DPP10: variants seen among roughly 807,000 people sequenced by gnomAD.
DPP10 encodes dipeptidyl peptidase like 10.
DPP10 carries 33 observed loss-of-function variants against 120.9 expected under a neutral mutation model. The ratio of observed to expected loss-of-function variants is 0.27; its 90% CI spans 0.21 to 0.37. The LOEUF (loss-of-function observed/expected upper bound fraction) is 0.37. Ranked by LOEUF, DPP10 falls within the 10% of genes least tolerant of loss-of-function variation. DPP10 has a pLI of 1.00. For missense variants in DPP10, 816 were observed against 942.8 expected (o/e 0.87, Z 1.76); for synonymous variants, 337 against 326.1 (o/e 1.03, Z -0.36).
chr2:115,822,808 T>C (rs1300818914), intron 21 of DPP10, among the ~76,000 whole-genome samples: 2 of 151,972 alleles, frequency 1.3e-5, no homozygotes, highest in Non-Finnish European at 2.9e-5. Flanking sequence ...TTTAACATGG[T>C]TATTTTATAA....
chr2:115,379,288 T>C (rs1369938263), intron 3 of DPP10, among the ~76,000 whole-genome samples: 2 of 152,202 alleles, frequency 1.3e-5, no homozygotes, highest in Non-Finnish European at 2.9e-5. Context: ...TGGGAGAGTG[T>C]ATGTGTCGAG....
chr2:114,788,439 C>CTTTTTTTTT (rs1682953846), intron 1 of DPP10, among the ~76,000 whole-genome samples: 1 of 149,246 alleles, frequency 6.7e-6, no homozygotes, highest in Non-Finnish European at 1.5e-5. Flanking sequence ...TTCCTTGAGA[C>CTTTTTTTTT]GGAGTCTCAC....
intron 2 of DPP10, among the ~76,000 whole-genome samples, chr2:115,335,107 A>G (rs1038015798): frequency 2.0e-5 from 3 of 152,062 alleles, no homozygotes; most frequent in Admixed American, 1.3e-4. Flanking sequence ...GCAGGAGGCA[A>G]AAAGAAACCT....
intron 1 of DPP10, among the ~76,000 whole-genome samples, chr2:114,936,465 A>G (rs1051568713): frequency 6.6e-6 from 1 of 151,898 alleles, no homozygotes; most frequent in Non-Finnish European, 1.5e-5. Context: ...ATACATAAAC[A>G]TATATATTTT....
chr2:115,273,856 G>A (rs1202749233), intron 1 of DPP10, among the ~76,000 whole-genome samples: 1 of 152,164 alleles, frequency 6.6e-6, no homozygotes, highest in East Asian at 1.9e-4. Context: ...ACTGTTTTGG[G>A]TAGAACGCTA....
At chr2:115,585,368 A>G (rs2082224968) in intron 5 of DPP10, among the ~76,000 whole-genome samples, 1 of 152,204 alleles carries the variant, frequency 6.6e-6, no homozygotes, top group African/African-American at 2.4e-5. Flanking sequence ...AATAGAATAA[A>G]ACCCATGCAG....
At chr2:115,466,556 C>G (rs925427011) in intron 3 of DPP10, among the ~76,000 whole-genome samples, 1 of 151,942 alleles carries the variant, frequency 6.6e-6, no homozygotes, top group Non-Finnish European at 1.5e-5. Context: ...AAATTTAGTC[C>G]ACATATAATG....
intron 9 of DPP10, among the ~76,000 whole-genome samples, chr2:115,742,494 A>T (rs183798592): frequency 6.8e-4 from 103 of 152,296 alleles, no homozygotes; most frequent in African/African-American, 2.1e-3. Flanking sequence ...CTAATAGGCA[A>T]AGCCAAAAGA....
At chr2:114,765,911 C>T (rs1274070442) in intron 1 of DPP10, among the ~76,000 whole-genome samples, 1 of 152,034 alleles carries the variant, frequency 6.6e-6, no homozygotes, top group African/African-American at 2.4e-5. Context: ...TGGAGGAAAT[C>T]TTATTCTTTT....
chr2:115,358,019 C>T (rs2064518871), intron 3 of DPP10, among the ~76,000 whole-genome samples: 1 of 152,058 alleles, frequency 6.6e-6, no homozygotes, highest in Non-Finnish European at 1.5e-5. Flanking sequence ...TCTCCTAGCC[C>T]TCTGTGCCTG....
At chr2:115,316,578 A>G (rs568537878) in intron 2 of DPP10, among the ~76,000 whole-genome samples, 1 of 152,216 alleles carries the variant, frequency 6.6e-6, no homozygotes, top group African/African-American at 2.4e-5. Flanking sequence ...TTCTGTATGT[A>G]TTTTTATTTC....
intron 5 of DPP10, among the ~76,000 whole-genome samples, chr2:115,602,508 AATT>A (rs2083394817): frequency 2.6e-5 from 4 of 152,232 alleles, no homozygotes; most frequent in Admixed American, 1.3e-4. Flanking sequence ...CTTTTAAAAA[AATT>A]ATTTTTTTAG....
chr2:114,577,724 A>G (rs904923480), intron 1 of DPP10, among the ~76,000 whole-genome samples: 20 of 152,160 alleles, frequency 1.3e-4, no homozygotes, highest in Admixed American at 3.9e-4. Flanking sequence ...TCAAGGTGTT[A>G]GCCAGGTTGG....
chr2:115,227,165 C>G (rs1467157811), intron 1 of DPP10, among the ~76,000 whole-genome samples: 5 of 152,040 alleles, frequency 3.3e-5, no homozygotes, highest in Non-Finnish European at 7.4e-5. Context: ...TAAATTGTTG[C>G]TTAGTCTTAT....
At chr2:114,836,407 G>T (rs1263895237) in intron 1 of DPP10, among the ~76,000 whole-genome samples, 1 of 152,142 alleles carries the variant, frequency 6.6e-6, no homozygotes, top group Non-Finnish European at 1.5e-5. Context: ...GCTTCCGGGG[G>T]AGAAATCACA....
chr2:115,460,085 C>T (rs2073899673), intron 3 of DPP10, among the ~76,000 whole-genome samples: 1 of 151,246 alleles, frequency 6.6e-6, no homozygotes, highest in East Asian at 1.9e-4. Flanking sequence ...GTACATTTTC[C>T]TCTGTAGAAT....
At chr2:115,215,599 G>T (rs1209406664) in intron 1 of DPP10, among the ~76,000 whole-genome samples, 2 of 140,220 alleles carry the variant, frequency 1.4e-5, no homozygotes. Context: ...AAAACAGTAT[G>T]GAGAAAAATT....
chr2:114,785,662 G>A (rs1463323041), intron 1 of DPP10, among the ~76,000 whole-genome samples: 1 of 152,088 alleles, frequency 6.6e-6, no homozygotes, highest in Non-Finnish European at 1.5e-5. Flanking sequence ...TACTGTAGAG[G>A]CAATGTAGAG....
chr2:115,334,909 A>T (rs752779116), intron 2 of DPP10, among the ~76,000 whole-genome samples: 2 of 151,746 alleles, frequency 1.3e-5, no homozygotes, highest in East Asian at 3.9e-4. Flanking sequence ...ATATACCAGG[A>T]TATATCTTTT....
Sources: gnomAD v4.1 joint callset for allele counts (sites outside exome capture counted in the v4.1 genomes callset) on GRCh38, gnomAD v4.1.1 for gene constraint, MANE v1.5 for transcripts, NCBI Gene and HGNC (gene_info 2026-07-23, HGNC 2026-07-21) for gene names.